The following TSHZ2 variants were observed in gnomAD, a reference collection of about 807,000 sequenced individuals.
TSHZ2 encodes the protein teashirt zinc finger homeobox 2.
In TSHZ2, 21 loss-of-function variants were observed where a neutral mutation model predicts 74.4. The observed-to-expected ratio is 0.28, with a 90% confidence interval of 0.20 to 0.41. The LOEUF (loss-of-function observed/expected upper bound fraction) is 0.41. Ranked by LOEUF, TSHZ2 falls within the 10% of genes least tolerant of loss-of-function variation. TSHZ2 has a pLI of 1.00. For missense variants in TSHZ2, 1,244 were observed against 1,293.5 expected (o/e 0.96, Z 0.59); for synonymous variants, 540 against 515.3 (o/e 1.05, Z -0.65).
At chr20:53,349,651 CAAA>C (rs559107005) in intron 2 of TSHZ2, among the ~76,000 whole-genome samples, 12 of 133,348 alleles carry the variant, frequency 9.0e-5, no homozygotes, top group Non-Finnish European at 1.1e-4. Flanking sequence ...GACCCCACCT[CAAA>C]AAAAAAAAAA....
intron 1 of TSHZ2, among the ~76,000 whole-genome samples, chr20:53,142,512 C>A (rs1467805946): frequency 1.3e-5 from 2 of 152,218 alleles, no homozygotes; most frequent in Non-Finnish European, 2.9e-5. Context: ...AGTTCCAATA[C>A]AAGCACAGGA....
intron 2 of TSHZ2, among the ~76,000 whole-genome samples, chr20:53,405,638 A>C (rs1028607024): frequency 1.3e-5 from 2 of 152,214 alleles, no homozygotes; most frequent in Non-Finnish European, 2.9e-5. Flanking sequence ...AAACAGAAGA[A>C]TAAATAAGAT....
intron 1 of TSHZ2, among the ~76,000 whole-genome samples, chr20:53,180,156 T>C (rs997201972): frequency 3.3e-5 from 5 of 152,124 alleles, no homozygotes; most frequent in African/African-American, 9.7e-5. Flanking sequence ...AAGAAAGAGA[T>C]TGGGAGAAAG....
intron 1 of TSHZ2, among the ~76,000 whole-genome samples, chr20:53,205,244 T>C (rs1989138022): frequency 6.6e-6 from 1 of 152,116 alleles, no homozygotes; most frequent in South Asian, 2.1e-4. Flanking sequence ...TTTGGACAAA[T>C]CTGAGGAGAG....
intron 2 of TSHZ2, among the ~76,000 whole-genome samples, chr20:53,460,603 C>T (rs1466915390): frequency 1.3e-5 from 2 of 152,204 alleles, no homozygotes; most frequent in African/African-American, 4.8e-5. Flanking sequence ...AGCTGCGTTC[C>T]TTTGGAGGAG....
chr20:53,446,263 G>A (rs961028903), intron 2 of TSHZ2, among the ~76,000 whole-genome samples: 4 of 152,042 alleles, frequency 2.6e-5, no homozygotes, highest in African/African-American at 9.7e-5. Context: ...AACAGGAAGT[G>A]AATAGAAGGT....
intron 1 of TSHZ2, among the ~76,000 whole-genome samples, chr20:53,105,228 C>T (rs1025603439): frequency 1.3e-5 from 2 of 152,164 alleles, no homozygotes; most frequent in African/African-American, 4.8e-5. Context: ...TTTCAGTTTA[C>T]CCCTGACTTT....
intron 2 of TSHZ2, among the ~76,000 whole-genome samples, chr20:53,469,634 G>GGAAGGAAGGAAGGA (rs1985707152): frequency 2.8e-5 from 1 of 35,480 alleles, no homozygotes; most frequent in African/African-American, 1.5e-4. Flanking sequence ...GGAAGGGAGG[G>GGAAGGAAGGAAGGA]AGGAAGGAAG....
intron 2 of TSHZ2, among the ~76,000 whole-genome samples, chr20:53,373,329 A>AT (rs1981544141): frequency 1.3e-5 from 2 of 152,306 alleles, no homozygotes; most frequent in East Asian, 3.9e-4. Flanking sequence ...GTTCGGAAGA[A>AT]TTTTTTAGTG....
At chr20:52,979,084 A>C (rs1435955392) in intron 1 of TSHZ2, among the ~76,000 whole-genome samples, 1 of 152,172 alleles carries the variant, frequency 6.6e-6, no homozygotes, top group East Asian at 1.9e-4. Flanking sequence ...AAGAAAGTGG[A>C]GAGTACTTGC....
At chr20:53,399,169 T>G (rs891253573) in intron 2 of TSHZ2, 2 of 152,156 alleles carry the variant, frequency 1.3e-5, no homozygotes, top group Non-Finnish European at 2.9e-5. Context: ...CAGTAAGGAA[T>G]CATGCATAAT....
At chr20:53,248,930 C>A (rs1403389603) in intron 1 of TSHZ2, among the ~76,000 whole-genome samples, 2 of 152,160 alleles carry the variant, frequency 1.3e-5, no homozygotes, top group East Asian at 3.8e-4. Flanking sequence ...CCTCCATCTC[C>A]CACTTCAAGT....
rs147984448 is a variant in TSHZ2 at position 53,464,320 on chromosome 20, C to T, written c.*9-22824C>T. On this transcript the variant is annotated intron_variant, in intron 2 of 2. Transcript: ENST00000371497. ...GAAATCTGAGGACCTCATCTGGATC[C>T]CAGGAGAAGAAAAGATCTTTCTGAC... Among the ~76,000 whole-genome samples, 4 of 152,190 alleles carry T rather than the reference C, an allele frequency of 2.6e-5. No homozygotes were observed. The East Asian group carries it at 5.8e-4, about 22-fold the overall frequency.
intron 1 of TSHZ2, among the ~76,000 whole-genome samples, chr20:53,223,887 T>G (rs924881073): frequency 7.4e-6 from 1 of 134,620 alleles, no homozygotes; most frequent in Non-Finnish European, 1.6e-5. Flanking sequence ...GAAAAAAATG[T>G]TACAGGACTA....
chr20:53,058,548 G>A (rs565762132), intron 1 of TSHZ2, among the ~76,000 whole-genome samples: 1 of 152,134 alleles, frequency 6.6e-6, no homozygotes, highest in African/African-American at 2.4e-5. Flanking sequence ...CTGACAGCAC[G>A]GGCCACACAC....
chr20:53,382,303 G>T (rs923872617), intron 2 of TSHZ2, among the ~76,000 whole-genome samples: 1 of 152,178 alleles, frequency 6.6e-6, no homozygotes, highest in Non-Finnish European at 1.5e-5. Flanking sequence ...GGCTGGCTCA[G>T]GAAATGTTCC....
At chr20:53,336,621 C>G (rs75114649) in intron 2 of TSHZ2, among the ~76,000 whole-genome samples, 1 of 152,144 alleles carries the variant, frequency 6.6e-6, no homozygotes, top group African/African-American at 2.4e-5. Flanking sequence ...CTTTCTGCTC[C>G]GTCAGCCTTA....
intron 1 of TSHZ2, among the ~76,000 whole-genome samples, chr20:53,027,502 G>A (rs1395986564): frequency 2.6e-5 from 4 of 152,194 alleles, no homozygotes; most frequent in Non-Finnish European, 5.9e-5. Context: ...GAGGGGAAGG[G>A]ATGGTAGAAG....
At chr20:53,201,718 T>A (rs1212248239) in intron 1 of TSHZ2, among the ~76,000 whole-genome samples, 1 of 152,136 alleles carries the variant, frequency 6.6e-6, no homozygotes, top group Non-Finnish European at 1.5e-5. Context: ...CTCAGCACTA[T>A]GGACATTTTG....
Sources: allele counts gnomAD v4.1 joint callset (sites outside exome capture counted in the v4.1 genomes callset), GRCh38; gene constraint gnomAD v4.1.1; transcripts MANE v1.5; gene names NCBI Gene and HGNC (gene_info 2026-07-23, HGNC 2026-07-21).